FHIP1A: variants seen among roughly 807,000 people sequenced by gnomAD.
FHIP1A encodes the protein FHF complex subunit HOOK-interacting protein 1A.
FHIP1A carries 61 observed loss-of-function variants against 88.6 expected under a neutral mutation model. That is an observed-to-expected ratio of 0.69 (90% CI 0.56 to 0.85). The LOEUF (loss-of-function observed/expected upper bound fraction) is 0.85, where lower values mean the gene tolerates loss of function less well. Ranked by LOEUF, FHIP1A falls within the 40% of genes least tolerant of loss-of-function variation. The pLI is 0.00. For missense variants in FHIP1A, 1,154 were observed against 1,273.5 expected (o/e 0.91, Z 1.43); for synonymous variants, 478 against 496.0 (o/e 0.96, Z 0.48).
At chr4:151,446,237 G>A (rs547034607) in intron 1 of FHIP1A, among the ~76,000 whole-genome samples, 3 of 152,202 alleles carry the variant, frequency 2.0e-5, no homozygotes, top group African/African-American at 7.2e-5. Flanking sequence ...AAATCGAGAT[G>A]TGATTTATGT....
chr4:151,471,816 G>A (rs1232375943), intron 2 of FHIP1A, among the ~76,000 whole-genome samples: 1 of 152,146 alleles, frequency 6.6e-6, no homozygotes, highest in South Asian at 2.1e-4. Context: ...TCATTCTTAT[G>A]CCTTTGCATT....
intron 3 of FHIP1A, among the ~76,000 whole-genome samples, chr4:151,506,241 G>A (rs1182974959): frequency 6.6e-6 from 1 of 152,116 alleles, no homozygotes; most frequent in Non-Finnish European, 1.5e-5. Flanking sequence ...TCGGTGGTGA[G>A]TAGGAAGAGA....
chr4:151,611,780 G>C (rs1735333167), intron 7 of FHIP1A, among the ~76,000 whole-genome samples: 1 of 152,134 alleles, frequency 6.6e-6, no homozygotes, highest in South Asian at 2.1e-4. Context: ...CACAGTGTTA[G>C]CCCAATGCTT....
chr4:151,538,084 G>A (rs1224608644), intron 3 of FHIP1A, among the ~76,000 whole-genome samples: 1 of 152,156 alleles, frequency 6.6e-6, no homozygotes, highest in Non-Finnish European at 1.5e-5. Flanking sequence ...AGCAAACTTT[G>A]AGGGGTTTGT....
chr4:151,434,171 T>A (rs1408586379), intron 1 of FHIP1A, among the ~76,000 whole-genome samples: 1 of 152,194 alleles, frequency 6.6e-6, no homozygotes, highest in African/African-American at 2.4e-5. Flanking sequence ...TGAATTCTAT[T>A]CCATTTTCTT....
intron 2 of FHIP1A, among the ~76,000 whole-genome samples, chr4:151,457,820 T>C (rs1729018504): frequency 6.6e-6 from 1 of 152,174 alleles, no homozygotes; most frequent in African/African-American, 2.4e-5. Flanking sequence ...TATAAGTTTC[T>C]AGGGAGGAAT....
chr4:151,632,609 T>C (rs905365854), intron 8 of FHIP1A, among the ~76,000 whole-genome samples: 2 of 152,040 alleles, frequency 1.3e-5, no homozygotes, highest in African/African-American at 4.8e-5. Flanking sequence ...TTAACACATT[T>C]ACAAAAATTG....
intron 3 of FHIP1A, among the ~76,000 whole-genome samples, chr4:151,519,418 C>CT (rs954300959): frequency 2.1e-4 from 32 of 151,014 alleles, no homozygotes; most frequent in East Asian, 1.2e-3. Flanking sequence ...GTTTTAGTAG[C>CT]TTTTTTTTTA....
intron 3 of FHIP1A, among the ~76,000 whole-genome samples, chr4:151,510,412 A>G (rs1462840741): frequency 1.3e-5 from 2 of 152,152 alleles, no homozygotes; most frequent in Non-Finnish European, 1.5e-5. Context: ...GCCTGGCCCT[A>G]TCAGCATTTT....
At chr4:151,523,942 A>G (rs1160693180) in intron 3 of FHIP1A, among the ~76,000 whole-genome samples, 1 of 152,136 alleles carries the variant, frequency 6.6e-6, no homozygotes, top group African/African-American at 2.4e-5. Context: ...CTGTGATGCC[A>G]TCCAAGCCAA....
At chr4:151,612,816 A>G (rs1272354726) in intron 7 of FHIP1A, among the ~76,000 whole-genome samples, 1 of 152,150 alleles carries the variant, frequency 6.6e-6, no homozygotes, top group African/African-American at 2.4e-5. Flanking sequence ...AGAAGAAAGG[A>G]ACAATATTTT....
intron 3 of FHIP1A, among the ~76,000 whole-genome samples, chr4:151,525,910 C>T (rs546087003): frequency 2.6e-5 from 4 of 151,952 alleles, no homozygotes; most frequent in East Asian, 1.9e-4. Context: ...TGCGGCCTTC[C>T]GCAGTGTTTG....
At chr4:151,433,652 G>A (rs758581938) in intron 1 of FHIP1A, among the ~76,000 whole-genome samples, 2 of 152,056 alleles carry the variant, frequency 1.3e-5, no homozygotes, top group Non-Finnish European at 2.9e-5. Context: ...GATAGATGAC[G>A]GTGGCCAGGA....
intron 13 of FHIP1A, among the ~76,000 whole-genome samples, chr4:151,661,097 C>T (rs913657177): frequency 1.3e-5 from 2 of 152,130 alleles, no homozygotes; most frequent in African/African-American, 4.8e-5. Context: ...GTGCAGGTCT[C>T]GGTCTGGGAG....
chr4:151,463,306 A>C (rs1233669215), intron 2 of FHIP1A, among the ~76,000 whole-genome samples: 1 of 152,168 alleles, frequency 6.6e-6, no homozygotes, highest in East Asian at 1.9e-4. Flanking sequence ...CTAGCCAAAG[A>C]AGGTGGCATT....
chr4:151,557,801 G>T (rs1048723074), intron 3 of FHIP1A, among the ~76,000 whole-genome samples: 1 of 152,192 alleles, frequency 6.6e-6, no homozygotes, highest in East Asian at 1.9e-4. Context: ...GCAGAAATTA[G>T]ATCCTCCTTT....
In FHIP1A at chr4:151,411,987, C is replaced by G. The variant is rs1194578646; in HGVS notation, c.-356+2522C>G. 2.6e-5 allele frequency among the ~76,000 whole-genome samples: 4 copies of G among 152,172 alleles called. No homozygotes were observed. The East Asian group carries it at 7.7e-4, about 29-fold the overall frequency. ...AACAGAAGTGAACAGTTCTGTAGTG[C>G]TTTATGTTTCACAGAGTGCTTTCAT... On this transcript the variant is annotated intron_variant, in intron 1 of 13. Coordinates refer to ENST00000435205, the MANE Select transcript of FHIP1A (RefSeq NM_001109977.3).
intron 3 of FHIP1A, among the ~76,000 whole-genome samples, chr4:151,544,439 A>C (rs1469047364): frequency 1.3e-5 from 2 of 152,200 alleles, no homozygotes; most frequent in African/African-American, 2.4e-5. Context: ...TCTAAGATAC[A>C]GGGATACTGA....
chr4:151,528,709 G>T (rs941230060), intron 3 of FHIP1A, among the ~76,000 whole-genome samples: 2 of 152,148 alleles, frequency 1.3e-5, no homozygotes, highest in African/African-American at 4.8e-5. Flanking sequence ...TTGTCGTTTG[G>T]TTTTTGTTTG....
Sources: allele counts gnomAD v4.1 joint callset (sites outside exome capture counted in the v4.1 genomes callset), GRCh38; gene constraint gnomAD v4.1.1; transcripts MANE v1.5; gene names NCBI Gene and HGNC (gene_info 2026-07-23, HGNC 2026-07-21).